Variants in MASP1 observed in about 807,000 individuals in gnomAD.
The protein encoded by MASP1 is mannan-binding lectin serine protease 1.
In MASP1, 59 loss-of-function variants were observed where a neutral mutation model predicts 77.1. The observed-to-expected ratio is 0.77, with a 90% confidence interval of 0.62 to 0.95. The LOEUF (loss-of-function observed/expected upper bound fraction) is 0.95, where lower values mean the gene tolerates loss of function less well. MASP1 is among the 40% of genes least tolerant of loss of function. The probability of loss-of-function intolerance (pLI) is 0.00; values close to 1 mark genes in which losing one functional copy is unlikely to be tolerated. For synonymous variants in MASP1, 362 were observed against 354.5 expected, an observed-to-expected ratio of 1.02 and a Z score of -0.24; for missense variants, 885 against 912.9, an observed-to-expected ratio of 0.97 and a Z score of 0.39.
At chr3:187,218,625 T>A (rs1479543397) in exon 16 of MASP1, 3 of 152,330 alleles carry the variant, frequency 2.0e-5, no homozygotes. Flanking sequence ...TCCATTATCT[T>A]CCTCTTTTTT....
At chr3:187,270,760 G>A (rs886237919) in intron 2 of MASP1, among the ~76,000 whole-genome samples, 2 of 152,168 alleles carry the variant, frequency 1.3e-5, no homozygotes, top group Non-Finnish European at 2.9e-5. Flanking sequence ...AGGGCTCAGC[G>A]GCCACATAGG....
intron 2 of MASP1, among the ~76,000 whole-genome samples, chr3:187,277,680 C>T (rs1364626916): frequency 6.6e-6 from 1 of 152,170 alleles, no homozygotes; most frequent in Admixed American, 6.5e-5. Context: ...GGGATTCAAG[C>T]CTGGCTTTCC....
At chr3:187,219,685 T>C in exon 16 of MASP1, 1 of 282,134 alleles carries the variant, frequency 3.5e-6, no homozygotes. Context: ...GTGCATTTAT[T>C]GAAAACAGTG....
At chr3:187,278,815 C>T (rs1188309300) in intron 2 of MASP1, among the ~76,000 whole-genome samples, 3 of 152,188 alleles carry the variant, frequency 2.0e-5, no homozygotes, top group African/African-American at 7.2e-5. Flanking sequence ...ATACTACGCT[C>T]CACATAGTCA....
At chr3:187,256,957 C>A in intron 4 of MASP1, 97 bp from the exon 5 acceptor site, 1 of 1,038,508 alleles carries the variant, frequency 9.6e-7, no homozygotes. Flanking sequence ...TGGTCCCAAG[C>A]AGTAGACAGG....
chr3:187,281,749 C>T (rs1379896869), intron 2 of MASP1, among the ~76,000 whole-genome samples: 1 of 152,112 alleles, frequency 6.6e-6, no homozygotes, highest in Non-Finnish European at 1.5e-5. Flanking sequence ...ATTACAATTC[C>T]AGAATTGAAA....
intron 11 of MASP1, among the ~76,000 whole-genome samples, chr3:187,227,295 G>T (rs1294408233): frequency 1.3e-5 from 2 of 152,214 alleles, no homozygotes; most frequent in Admixed American, 1.3e-4. Flanking sequence ...CCAGCAGGTT[G>T]GTTTCAGGGT....
At chr3:187,225,497 C>T in exon 13 of MASP1, 8 of 1,614,186 alleles carry the variant, frequency 5.0e-6, no homozygotes, top group Non-Finnish European at 6.8e-6. Context: ...TGACCGGAGC[C>T]TCCAATGCTT....
Position 187,234,346 on chromosome 3 carries a change from A to G in MASP1, c.*1338T>C, listed in dbSNP as rs990058007. On this transcript the variant is annotated 3_prime_UTR_variant, in exon 11 of 11. Coordinates refer to ENST00000296280, the MANE Select transcript of MASP1 (RefSeq NM_139125.4). ...AGAGAGAGCTCCAGGGAGAAGGAGA[A>G]CAATCAGCCCTGTGAGGGCCAGAGA... 1 of 1,287,006 alleles carries G rather than the reference A, an allele frequency of 7.8e-7. No homozygotes were observed. The highest frequency in any genetic ancestry group is 1.0e-6 in the Non-Finnish European group (1 of 988,590). The allele number at this position is 1,287,006 out of a possible 1,614,324, so 79.7% of individuals were successfully genotyped here. A position where few individuals can be genotyped will look rare whatever the true frequency, so the allele number is the denominator to read the frequency against.
chr3:187,255,115 TA>T (rs1426087687), intron 5 of MASP1, among the ~76,000 whole-genome samples: 1 of 152,156 alleles, frequency 6.6e-6, no homozygotes, highest in Non-Finnish European at 1.5e-5. Flanking sequence ...TTAGTTGACC[TA>T]AAGTGAGGGA....
chr3:187,290,237 C>A (rs756859739), intron 1 of MASP1, among the ~76,000 whole-genome samples: 1 of 152,110 alleles, frequency 6.6e-6, no homozygotes, highest in African/African-American at 2.4e-5. Flanking sequence ...GGGATGCTCA[C>A]TCTGGAATAT....
chr3:187,269,834 G>C lies in MASP1; in HGVS notation c.238-7114C>G, dbSNP rs562814651. ...GCAAATAACTTTTCTTTTGGGTTCAGAGATCTCTAGATCAAGAAGAGATAT... is the reference window on the plus strand; with the variant it reads ...GCAAATAACTTTTCTTTTGGGTTCACAGATCTCTAGATCAAGAAGAGATAT... On this transcript the variant is annotated intron_variant, in intron 2 of 10. Transcript: ENST00000296280. 2.1e-4 allele frequency among the ~76,000 whole-genome samples: 32 copies of C among 152,218 alleles called. No individual in the cohort carries two copies. In the South Asian group the frequency reaches 5.2e-3, roughly 25 times the overall value.
intron 4 of MASP1, among the ~76,000 whole-genome samples, chr3:187,260,203 C>T (rs542619740): frequency 3.9e-5 from 6 of 152,256 alleles, no homozygotes; most frequent in South Asian, 2.1e-4. Flanking sequence ...TCCCTAAGCA[C>T]GAGACTATAG....
chr3:187,262,824 G>GCCTAC, intron 2 of MASP1, 104 bp from the exon 3 acceptor site: 1 of 989,406 alleles, frequency 1.0e-6, no homozygotes, highest in Non-Finnish European at 1.6e-6. Context: ...GAGTAGGCTA[G>GCCTAC]TCAGCCTGAG....
chr3:187,253,086 C>G, intron 6 of MASP1, 82 bp downstream of exon 6: 1 of 1,581,724 alleles, frequency 6.3e-7, no homozygotes, highest in Non-Finnish European at 8.7e-7. Flanking sequence ...GAGATCCAAG[C>G]CTGCACACCT....
chr3:187,221,179 C>A, intron 14 of MASP1: 1 of 1,449,088 alleles, frequency 6.9e-7, no homozygotes, highest in East Asian at 2.3e-5. Context: ...GGCTGAGAAG[C>A]CTCTGCTATT....
chr3:187,225,484 A>G, exon 13 of MASP1: 1 of 1,614,160 alleles, frequency 6.2e-7, no homozygotes, highest in Non-Finnish European at 8.5e-7. Flanking sequence ...GTTCATTTTC[A>G]TCTGACCGGA....
At chr3:187,274,907 G>A (rs574575534) in intron 2 of MASP1, among the ~76,000 whole-genome samples, 74 of 151,848 alleles carry the variant, frequency 4.9e-4, no homozygotes, top group African/African-American at 1.1e-3. Flanking sequence ...CCTGGGAAGC[G>A]GGCATCCCGC....
chr3:187,262,919 G>A lies in MASP1; in HGVS notation c.238-199C>T, dbSNP rs144164964. The A allele has an allele frequency of 5.9e-4, 335 of 569,188 alleles. 2 individuals are homozygous for A. Among genetic ancestry groups the A allele is most frequent in the African/African-American group, 5.3e-3 (281 of 53,442 alleles). The allele number at this position is 569,188 out of a possible 1,614,324, so 35.3% of individuals were successfully genotyped here. On this transcript the variant is annotated intron_variant, in intron 2 of 10. Coordinates refer to ENST00000296280, the MANE Select transcript of MASP1 (RefSeq NM_139125.4). ...TGTGGACATCTGATCAGTTTCATTC[G>A]TCTTATTTAGTTCCATTAGAAGTAG...
Sources: allele counts gnomAD v4.1 joint callset (sites outside exome capture counted in the v4.1 genomes callset), GRCh38; gene constraint gnomAD v4.1.1; transcripts MANE v1.5; gene names NCBI Gene and HGNC (gene_info 2026-07-23, HGNC 2026-07-21).